GRIP1: variants seen among roughly 807,000 people sequenced by gnomAD.
GRIP1 encodes glutamate receptor interacting protein 1.
In GRIP1, 45 loss-of-function variants were observed where a neutral mutation model predicts 129.9. The observed-to-expected ratio is 0.35, with a 90% CI of 0.27 to 0.44. GRIP1 has a LOEUF of 0.44. Among genes scored for constraint, GRIP1 ranks in the 20% least tolerant of loss-of-function variants. GRIP1 has a pLI of 1.00. For synonymous variants in GRIP1, 530 were observed against 520.8 expected, an observed-to-expected ratio of 1.02 and a Z score of -0.24; for missense variants, 1,196 against 1,396.8, an observed-to-expected ratio of 0.86 and a Z score of 2.29.
chr12:66,807,918 C>A (rs974483061), upstream of GRIP1, among the ~76,000 whole-genome samples: 2 of 150,516 alleles, frequency 1.3e-5, no homozygotes, highest in Non-Finnish European at 3.0e-5. Flanking sequence ...CCATCTTCTG[C>A]ACTAAAATGA....
chr12:66,706,490 A>G (rs886875944), intron 1 of GRIP1, among the ~76,000 whole-genome samples: 6 of 152,124 alleles, frequency 3.9e-5, no homozygotes, highest in Non-Finnish European at 8.8e-5. Context: ...CAGAAATACC[A>G]TTTGACCCAG....
intron 1 of GRIP1, among the ~76,000 whole-genome samples, chr12:66,704,888 A>G (rs1216599402): frequency 2.0e-5 from 3 of 152,048 alleles, no homozygotes; most frequent in Non-Finnish European, 4.4e-5. Flanking sequence ...TTGCACTGCC[A>G]TCTCTCTTGT....
At chr12:66,420,050 T>C (rs1210189051) in intron 15 of GRIP1, among the ~76,000 whole-genome samples, 1 of 152,202 alleles carries the variant, frequency 6.6e-6, no homozygotes, top group East Asian at 1.9e-4. Flanking sequence ...TGAGCCGAGA[T>C]TGTGCCACTG....
upstream of GRIP1, among the ~76,000 whole-genome samples, chr12:66,680,371 T>C (rs1043987302): frequency 2.0e-5 from 3 of 152,178 alleles, no homozygotes; most frequent in Non-Finnish European, 2.9e-5. Context: ...TTGAGTCCAA[T>C]AGAAAAATAA....
chr12:66,409,862 A>T (rs574316373), intron 15 of GRIP1, among the ~76,000 whole-genome samples: 10 of 152,370 alleles, frequency 6.6e-5, no homozygotes, highest in Non-Finnish European at 8.8e-5. Context: ...AAATAATTTT[A>T]AAAAATCCAG....
chr12:66,536,125 TC>T (rs1351679568), intron 4 of GRIP1, among the ~76,000 whole-genome samples: 1 of 152,170 alleles, frequency 6.6e-6, no homozygotes, highest in Non-Finnish European at 1.5e-5. Context: ...CTGTAGGCTC[TC>T]CCTTCAGAAC....
At position 67,002,787 on chromosome 12, in the gene GRIP1, T is replaced by C. The variant is rs1315389001; in HGVS notation, c.58+66263A>G. The stretch of plus-strand genomic sequence containing the variant: ...TTTATTTTTTCTTTCCTTTCTTTCC[T>C]TTGCTTTTAATATTTAACTTCAGAG... On this transcript the variant is annotated intron_variant, in intron 1 of 1. Coordinates refer to the GRIP1 transcript ENST00000643019. Among the ~76,000 whole-genome samples the C allele has an allele frequency of 4.5e-4, 68 of 152,210 alleles. 2 individuals are homozygous for C. Among genetic ancestry groups the C allele is most frequent in the Admixed American group, 4.5e-3 (68 of 15,274 alleles).
intron 1 of GRIP1, among the ~76,000 whole-genome samples, chr12:66,758,476 GC>G (rs1193652538): frequency 6.6e-6 from 1 of 151,554 alleles, no homozygotes; most frequent in Non-Finnish European, 1.5e-5. Context: ...ATATCATTCT[GC>G]CCCTAGCCCC....
chr12:66,458,692 C>T (rs1276452888), intron 9 of GRIP1, among the ~76,000 whole-genome samples: 5 of 152,198 alleles, frequency 3.3e-5, no homozygotes, highest in Non-Finnish European at 5.9e-5. Flanking sequence ...GCCTGAATAG[C>T]TAACTATTAC....
intron 1 of GRIP1, among the ~76,000 whole-genome samples, chr12:67,020,396 C>G (rs1354868038): frequency 6.6e-6 from 1 of 152,146 alleles, no homozygotes; most frequent in Non-Finnish European, 1.5e-5. Flanking sequence ...AAATGAAAAA[C>G]AGACACTTAA....
chr12:66,564,181 G>T (rs1423570084), intron 2 of GRIP1: 2 of 152,206 alleles, frequency 1.3e-5, no homozygotes, highest in African/African-American at 4.8e-5. Flanking sequence ...CAACGTGCAG[G>T]TTTGTTACAT....
At chr12:66,355,342 C>T (rs1379416909) in intron 23 of GRIP1, among the ~76,000 whole-genome samples, 3 of 152,172 alleles carry the variant, frequency 2.0e-5, no homozygotes, top group Admixed American at 2.0e-4. Context: ...AAAACACAAC[C>T]TTTATGAGGA....
In GRIP1 at chr12:66,456,289, G is replaced by T. The variant is rs1050208084; in HGVS notation, c.1096C>A (p.His366Asn). The T allele has an allele frequency of 5.4e-6, 7 of 1,289,242 alleles. No individual in the cohort carries two copies. Among genetic ancestry groups the T allele is most frequent in the South Asian group, 1.2e-5 (1 of 81,006 alleles). 79.9% of individuals were successfully genotyped at this position (1,289,242 alleles called of 1,614,324 possible). ...TGATGGTTGGTGTGAAGGCTGCTGTGGTTGCTGGCCCAGGAATCCCAGGTA... is the reference window on the plus strand; with the variant it reads ...TGATGGTTGGTGTGAAGGCTGCTGTTGTTGCTGGCCCAGGAATCCCAGGTA... ...QLTWDSWASN[H>N]SSLHTNHHYN... Residue 366 changes from histidine to asparagine, a missense_variant, in exon 10 of 25, where the codon CAC becomes AAC. Physicochemically the swap from His to Asn is moderately conservative, Grantham distance 68. Around this residue, in one of 5 missense-constraint regions of GRIP1, gnomAD observed 508 missense variants for 587.0 expected, o/e 0.87. Transcript: ENST00000359742.
intron 19 of GRIP1, among the ~76,000 whole-genome samples, chr12:66,381,869 G>C (rs2056125249): frequency 6.6e-6 from 1 of 152,198 alleles, no homozygotes; most frequent in African/African-American, 2.4e-5. Flanking sequence ...AAATCTCTGG[G>C]TGAAATGTAA....
At chr12:66,443,683 T>C (rs913048968) in intron 13 of GRIP1, among the ~76,000 whole-genome samples, 1 of 152,078 alleles carries the variant, frequency 6.6e-6, no homozygotes. Context: ...CTCGAACTCC[T>C]GATCTCAGGT....
intron 1 of GRIP1, among the ~76,000 whole-genome samples, chr12:66,769,376 G>A (rs2037746645): frequency 6.6e-6 from 1 of 152,016 alleles, no homozygotes; most frequent in Admixed American, 6.6e-5. Flanking sequence ...CTGTGATTAT[G>A]CTCCCTGAAG....
At chr12:66,458,853 C>T (rs895455240) in intron 9 of GRIP1, among the ~76,000 whole-genome samples, 1 of 152,220 alleles carries the variant, frequency 6.6e-6, no homozygotes, top group African/African-American at 2.4e-5. Flanking sequence ...ACTTGCTGTT[C>T]TTTCCCCAGT....
chr12:67,037,055 G>C (rs1345566336), intron 1 of GRIP1, among the ~76,000 whole-genome samples: 2 of 152,088 alleles, frequency 1.3e-5, no homozygotes, highest in East Asian at 3.9e-4. Flanking sequence ...ACTCAGGCCA[G>C]GCGCAGTGGC....
In GRIP1 at chr12:66,571,378, T is replaced by G. The variant is rs146238078; in HGVS notation, c.136+25469A>C. Among the ~76,000 whole-genome samples the G allele has an allele frequency of 5.3e-3, 800 of 152,328 alleles. 6 individuals carry two copies. The highest frequency in any genetic ancestry group is 0.018 in the African/African-American group (766 of 41,568). ...TGAGTATCTTTTTTGTTGTGTTTGT[T>G]TAATCTTTGTTAAGCTCAGTGATAT... is the stretch of plus-strand genomic sequence containing the variant. On this transcript the variant is annotated intron_variant, in intron 2 of 24. Coordinates refer to ENST00000359742, the MANE Select transcript of GRIP1 (RefSeq NM_001366722.1).
Sources: allele counts gnomAD v4.1 joint callset (sites outside exome capture counted in the v4.1 genomes callset), GRCh38; gene constraint gnomAD v4.1.1; regional missense constraint gnomAD v4.1.1; transcripts MANE v1.5; gene names NCBI Gene and HGNC (gene_info 2026-07-23, HGNC 2026-07-21).